Variants in PPFIA1 observed in about 807,000 individuals in gnomAD.
The protein encoded by PPFIA1 is liprin-alpha-1.
A neutral mutation model predicts 149.9 loss-of-function variants in PPFIA1; 25 were observed. The observed-to-expected ratio is 0.17, with a 90% CI of 0.12 to 0.23. The LOEUF (loss-of-function observed/expected upper bound fraction) is 0.23. PPFIA1 is among the 10% of genes least tolerant of loss of function. The pLI, the probability that PPFIA1 is intolerant of heterozygous loss-of-function variation, is 1.00. For synonymous variants in PPFIA1, 549 were observed against 552.8 expected (o/e 0.99, Z 0.10); for missense variants, 1,362 against 1,506.5 (o/e 0.90, Z 1.59).
intron 21 of PPFIA1, among the ~76,000 whole-genome samples, chr11:70,368,943 ACAGT>A (rs562552295): frequency 1.4e-4 from 20 of 145,682 alleles, no homozygotes; most frequent in South Asian, 2.1e-4. Context: ...TAGGAGAAAC[ACAGT>A]CAGTCTTTTT....
At chr11:70,273,388 G>T (rs1359396243) in intron 2 of PPFIA1, among the ~76,000 whole-genome samples, 5 of 152,206 alleles carry the variant, frequency 3.3e-5, no homozygotes, top group Non-Finnish European at 7.3e-5. Flanking sequence ...GGTAAAGGGA[G>T]AAAGTAAAAA....
At position 70,343,807 on chromosome 11, in the gene PPFIA1, C is replaced by T. The variant is rs775310445; in HGVS notation, c.1846C>T (p.Leu616=). The T allele has an allele frequency of 3.7e-6, 6 of 1,614,178 alleles. No homozygotes were observed. The highest frequency in any genetic ancestry group is 4.2e-6 in the Non-Finnish European group (5 of 1,180,036). The change falls in exon 15 of 28, where the codon CTG becomes TTG. Residue 616 remains leucine (L), a synonymous_variant. Transcript: ENST00000253925. ...GGACACTCTCCTCAGCTCAGTTGAC[C>T]TGCTATCGCCCAGCGGGCAGGCCGA... ...DRDTLLSSVD[L]LSPSGQADAH... is the part of the protein sequence containing the mutation.
chr11:70,273,477 C>T (rs1046635642), intron 2 of PPFIA1, among the ~76,000 whole-genome samples: 5 of 152,116 alleles, frequency 3.3e-5, no homozygotes, highest in Middle Eastern at 3.2e-3. Context: ...GCTGTCTAGG[C>T]GCCACGTTAC....
At chr11:70,306,338 A>T (rs760504182) in intron 2 of PPFIA1, among the ~76,000 whole-genome samples, 2 of 152,184 alleles carry the variant, frequency 1.3e-5, no homozygotes, top group Non-Finnish European at 2.9e-5. Context: ...AAAAACATTG[A>T]TAGTTAAAGT....
At chr11:70,341,087 C>T in intron 14 of PPFIA1, 1 of 334,224 alleles carries the variant, frequency 3.0e-6, no homozygotes, top group Non-Finnish European at 5.7e-6. Flanking sequence ...TGCCCACACT[C>T]AGCGTTTGGG....
At chr11:70,294,866 G>T (rs925680037) in intron 2 of PPFIA1, among the ~76,000 whole-genome samples, 1 of 151,348 alleles carries the variant, frequency 6.6e-6, no homozygotes, top group African/African-American at 2.4e-5. Flanking sequence ...GCACAGGGTT[G>T]GGGGGTAAGG....
chr11:70,317,727 G>T (rs987270391), intron 2 of PPFIA1, among the ~76,000 whole-genome samples: 5 of 152,096 alleles, frequency 3.3e-5, no homozygotes, highest in Admixed American at 3.3e-4. Context: ...GTGGGGCCAG[G>T]TGGGAGCCTT....
chr11:70,273,853 C>T (rs775649622), intron 2 of PPFIA1, among the ~76,000 whole-genome samples: 12 of 152,102 alleles, frequency 7.9e-5, no homozygotes, highest in Non-Finnish European at 1.8e-4. Flanking sequence ...TTAAGGTACA[C>T]GTATTGAAGT....
rs371447345 is a variant in PPFIA1 at position 70,326,743 on chromosome 11, G to A, written c.855G>A (p.Glu285=). 2.5e-5 allele frequency: 40 copies of A among 1,614,186 alleles called. No homozygotes were observed. The highest frequency in any genetic ancestry group is 1.6e-4 in the Middle Eastern group (1 of 6,062). Residue 285 remains glutamate, a synonymous_variant, in exon 7 of 28, where the codon GAG becomes GAA. Coordinates refer to ENST00000253925, the MANE Select transcript of PPFIA1 (RefSeq NM_003626.5). ...SLSSHVTELE[E]DLDTARKDLI... ...CCAGTCATGTGACAGAACTGGAAGA[G>A]GATCTGGACACGGCTAGAAAAGATC...
chr11:70,274,449 T>A (rs564993982), intron 2 of PPFIA1, among the ~76,000 whole-genome samples: 1 of 152,328 alleles, frequency 6.6e-6, no homozygotes, highest in Non-Finnish European at 1.5e-5. Flanking sequence ...CCCCCAGAGC[T>A]AACCAAGGTC....
intron 2 of PPFIA1, among the ~76,000 whole-genome samples, chr11:70,323,800 T>A (rs2054105021): frequency 6.6e-6 from 1 of 152,204 alleles, no homozygotes; most frequent in South Asian, 2.1e-4. Context: ...GTAGGGATTC[T>A]TGCAGAAGAA....
Position 70,329,973 on chromosome 11 carries a change from C to A in PPFIA1, c.931-200C>A, listed in dbSNP as rs572899908. 1.2e-5 allele frequency: 6 copies of A among 518,142 alleles called. No individual in the cohort carries two copies. In the South Asian group the frequency reaches 1.4e-4, roughly 12 times the overall value. The allele number at this position is 518,142 out of a possible 1,614,324, so 32.1% of individuals were successfully genotyped here. Reference sequence around the variant, plus strand: ...TTTGTAGAGACAAGGTCTTGAACTCCTTGCCTGAAGCCATCCTCCCGCCTT... The same window carrying A: ...TTTGTAGAGACAAGGTCTTGAACTCATTGCCTGAAGCCATCCTCCCGCCTT... On this transcript the variant is annotated intron_variant, in intron 7 of 27. Coordinates refer to ENST00000253925, the MANE Select transcript of PPFIA1 (RefSeq NM_003626.5).
At chr11:70,323,049 G>A (rs2054042580) in intron 2 of PPFIA1, among the ~76,000 whole-genome samples, 1 of 152,174 alleles carries the variant, frequency 6.6e-6, no homozygotes, top group African/African-American at 2.4e-5. Flanking sequence ...GTCATTTTAG[G>A]AGATTTGTTC....
At chr11:70,324,585 C>A in intron 3 of PPFIA1, 82 bp downstream of exon 3, 1 of 1,185,154 alleles carries the variant, frequency 8.4e-7, no homozygotes, top group Non-Finnish European at 1.2e-6. Context: ...GAAAGGACGA[C>A]CCACTCTGTC....
At chr11:70,290,942 G>A (rs141020621) in intron 2 of PPFIA1, among the ~76,000 whole-genome samples, 228 of 152,282 alleles carry the variant, frequency 1.5e-3, no homozygotes, top group African/African-American at 5.2e-3. Flanking sequence ...CTGGAATGTA[G>A]TGGCACAATC....
chr11:70,333,385 T>G (rs1182689840), intron 9 of PPFIA1, 85 bp from the exon 10 acceptor site: 5 of 1,018,266 alleles, frequency 4.9e-6, no homozygotes, highest in Non-Finnish European at 7.6e-6. Context: ...CAGAGCATGT[T>G]GTGCCTGTTG....
At chr11:70,284,976 G>T (rs1308400977) in intron 2 of PPFIA1, among the ~76,000 whole-genome samples, 1 of 149,056 alleles carries the variant, frequency 6.7e-6, no homozygotes, top group African/African-American at 2.6e-5. Context: ...ATGTGATTTA[G>T]CTGCGTTGTT....
At chr11:70,359,871 G>GGGT (rs1388993330) in intron 19 of PPFIA1, among the ~76,000 whole-genome samples, 1 of 152,262 alleles carries the variant, frequency 6.6e-6, no homozygotes, top group Non-Finnish European at 1.5e-5. Context: ...CAGAGGGCCA[G>GGGT]GGTGGAGTGG....
At chr11:70,273,475 G>A (rs1422683688) in intron 2 of PPFIA1, among the ~76,000 whole-genome samples, 1 of 152,158 alleles carries the variant, frequency 6.6e-6, no homozygotes, top group Non-Finnish European at 1.5e-5. Context: ...GAGCTGTCTA[G>A]GCGCCACGTT....
Sources: gnomAD v4.1 joint callset for allele counts (sites outside exome capture counted in the v4.1 genomes callset) on GRCh38, gnomAD v4.1.1 for gene constraint, MANE v1.5 for transcripts, NCBI Gene and HGNC (gene_info 2026-07-23, HGNC 2026-07-21) for gene names.